Variants in TENM3 observed in about 807,000 individuals in gnomAD.
TENM3 encodes the protein teneurin transmembrane protein 3.
In TENM3, 63 loss-of-function variants were observed where a neutral mutation model predicts 255.1. The observed-to-expected ratio is 0.25, with a 90% CI of 0.20 to 0.30. The LOEUF (loss-of-function observed/expected upper bound fraction) is 0.30, where lower values mean the gene tolerates loss of function less well. Ranked by LOEUF, TENM3 falls within the 10% of genes least tolerant of loss-of-function variation. The pLI is 1.00. For synonymous variants in TENM3, 1,306 were observed against 1,322.3 expected, an observed-to-expected ratio of 0.99 and a Z score of 0.27; for missense variants, 2,929 against 3,461.1, an observed-to-expected ratio of 0.85 and a Z score of 3.86.
Position 182,218,988 on chromosome 4 carries a change from C to T in TENM3, c.-76+74234C>T, listed in dbSNP as rs758378410. ...GCCTGTAATCCCAGCACTGGGAGGC[C>T]GAGGCAGGCGGATCACCTGAGGTCA... On this transcript the variant is annotated intron_variant, in intron 1 of 2. Transcript: ENST00000512480. 6.4e-4 allele frequency among the ~76,000 whole-genome samples: 97 copies of T among 152,170 alleles called. 2 individuals carry two copies. The highest frequency in any genetic ancestry group is 1.6e-4 in the Non-Finnish European group (11 of 68,034).
intron 3 of TENM3, among the ~76,000 whole-genome samples, chr4:182,474,831 T>G (rs1733510794): frequency 6.6e-6 from 1 of 152,184 alleles, no homozygotes; most frequent in African/African-American, 2.4e-5. Flanking sequence ...TCCCCTTCTT[T>G]TTAATTGAAC....
chr4:182,607,357 T>C (rs1231411142), intron 4 of TENM3, among the ~76,000 whole-genome samples: 4 of 152,210 alleles, frequency 2.6e-5, no homozygotes, highest in African/African-American at 9.6e-5. Context: ...ATCTCTTAGT[T>C]TTCTCACTCT....
intron 3 of TENM3, among the ~76,000 whole-genome samples, chr4:182,373,149 C>T (rs1177316913): frequency 6.6e-6 from 1 of 152,224 alleles, no homozygotes; most frequent in African/African-American, 2.4e-5. Flanking sequence ...ATCTCACTTT[C>T]AGTAGCTGCC....
At chr4:181,467,835 A>G in the TENM3 span, among the ~76,000 whole-genome samples, 1 of 152,188 alleles carries the variant, frequency 6.6e-6, no homozygotes, top group Non-Finnish European at 1.5e-5. Context: ...TTATGACAAT[A>G]AAAGTTGTCT....
At chr4:182,570,930 G>C (rs1260094073) in intron 3 of TENM3, among the ~76,000 whole-genome samples, 1 of 152,166 alleles carries the variant, frequency 6.6e-6, no homozygotes, top group Non-Finnish European at 1.5e-5. Context: ...GTCACACTGT[G>C]AGAAGGCTGT....
intron 3 of TENM3, among the ~76,000 whole-genome samples, chr4:182,545,765 C>G (rs1202622855): frequency 1.3e-5 from 2 of 152,108 alleles, no homozygotes; most frequent in Non-Finnish European, 2.9e-5. Context: ...CCTCACTGCC[C>G]TATTTAGGTA....
chr4:181,915,410 A>G, the TENM3 span, among the ~76,000 whole-genome samples: 1 of 152,164 alleles, frequency 6.6e-6, no homozygotes, highest in African/African-American at 2.4e-5. Flanking sequence ...TTCTTGTGAG[A>G]TATCAAATAA....
the TENM3 span, among the ~76,000 whole-genome samples, chr4:182,031,861 G>A: frequency 4.6e-5 from 7 of 152,162 alleles, no homozygotes; most frequent in African/African-American, 7.2e-5. Flanking sequence ...CTTGTATATT[G>A]CTGATGTGTA....
the TENM3 span, among the ~76,000 whole-genome samples, chr4:181,529,221 G>C: frequency 6.6e-6 from 1 of 152,132 alleles, no homozygotes; most frequent in Admixed American, 6.5e-5. Flanking sequence ...CTCCCCAGCA[G>C]TACCTCTCCT....
At chr4:182,593,549 G>T (rs941917951) in intron 3 of TENM3, among the ~76,000 whole-genome samples, 3 of 152,112 alleles carry the variant, frequency 2.0e-5, no homozygotes, top group Non-Finnish European at 4.4e-5. Flanking sequence ...CCAGATTAGG[G>T]TATTTGTTCC....
chr4:182,730,053 G>A, intron 14 of TENM3, 147 bp from the exon 15 acceptor site: 1 of 866,474 alleles, frequency 1.2e-6, no homozygotes, highest in South Asian at 1.8e-5. Flanking sequence ...ACATTGTCTT[G>A]GGAGTATTTC....
At chr4:181,551,353 T>C in the TENM3 span, among the ~76,000 whole-genome samples, 1 of 152,222 alleles carries the variant, frequency 6.6e-6, no homozygotes, top group Admixed American at 6.5e-5. Flanking sequence ...ATGCACAATT[T>C]GAGGCAGATA....
At chr4:182,517,140 T>C (rs1171572575) in intron 3 of TENM3, among the ~76,000 whole-genome samples, 1 of 152,102 alleles carries the variant, frequency 6.6e-6, no homozygotes. Flanking sequence ...AAGAACTTCT[T>C]TCATCACTTT....
At chr4:181,869,786 T>C in the TENM3 span, among the ~76,000 whole-genome samples, 1,434 of 152,146 alleles carry the variant, frequency 9.4e-3, 30 homozygotes, top group African/African-American at 0.032. Context: ...GTGTCTAAAT[T>C]AGTAGAAAGT....
At chr4:181,948,152 A>G in the TENM3 span, among the ~76,000 whole-genome samples, 1 of 152,178 alleles carries the variant, frequency 6.6e-6, no homozygotes, top group African/African-American at 2.4e-5. Context: ...TCAGCCATGC[A>G]ATAATTTATT....
the TENM3 span, among the ~76,000 whole-genome samples, chr4:181,961,640 C>T: frequency 2.0e-5 from 3 of 152,054 alleles, no homozygotes; most frequent in African/African-American, 4.8e-5. Flanking sequence ...AAGATGGTCT[C>T]GATCTCCTGA....
the TENM3 span, among the ~76,000 whole-genome samples, chr4:181,685,430 A>G: frequency 6.6e-6 from 1 of 152,218 alleles, no homozygotes; most frequent in South Asian, 2.1e-4. Flanking sequence ...AGTGAAATCC[A>G]AACAAAATGT....
chr4:182,452,752 G>C (rs1028462580), intron 3 of TENM3, among the ~76,000 whole-genome samples: 4 of 152,180 alleles, frequency 2.6e-5, no homozygotes, highest in African/African-American at 9.6e-5. Context: ...GAGATGTTTT[G>C]CATTAGAAAT....
chr4:181,927,165 G>A, the TENM3 span, among the ~76,000 whole-genome samples: 44 of 152,206 alleles, frequency 2.9e-4, no homozygotes, highest in Admixed American at 5.2e-4. Context: ...AGACGGAACC[G>A]TTCACTTCCC....
Sources: gnomAD v4.1 joint callset for allele counts (sites outside exome capture counted in the v4.1 genomes callset) on GRCh38, gnomAD v4.1.1 for gene constraint, MANE v1.5 for transcripts, NCBI Gene and HGNC (gene_info 2026-07-23, HGNC 2026-07-21) for gene names.